NRG1: variants seen among roughly 807,000 people sequenced by gnomAD.
NRG1 encodes neuregulin 1.
In NRG1, 18 loss-of-function variants were observed where a neutral mutation model predicts 63.8. The observed-to-expected ratio is 0.28, with a 90% CI of 0.19 to 0.42. The LOEUF (loss-of-function observed/expected upper bound fraction) is 0.42. Among genes scored for constraint, NRG1 ranks in the 10% least tolerant of loss-of-function variants. NRG1 has a pLI of 1.00. For missense variants in NRG1, 762 were observed against 814.7 expected (o/e 0.94, Z 0.79); for synonymous variants, 302 against 301.3 (o/e 1.00, Z -0.02).
At chr8:32,265,336 A>G (rs925830554) in intron 1 of NRG1, among the ~76,000 whole-genome samples, 2 of 152,186 alleles carry the variant, frequency 1.3e-5, no homozygotes, top group African/African-American at 4.8e-5. Flanking sequence ...CCCTATCTAA[A>G]AAAGAATTAA....
chr8:31,844,479 A>G (rs1008056929), intron 1 of NRG1, among the ~76,000 whole-genome samples: 1 of 152,206 alleles, frequency 6.6e-6, no homozygotes, highest in Non-Finnish European at 1.5e-5. Context: ...ATGGGAAATG[A>G]TGATGGTGGA....
At chr8:32,615,428 A>G (rs1287629039) in intron 4 of NRG1, among the ~76,000 whole-genome samples, 1 of 152,144 alleles carries the variant, frequency 6.6e-6, no homozygotes, top group Non-Finnish European at 1.5e-5. Context: ...GATAATCACA[A>G]TAAACTTGTG....
chr8:32,007,430 T>C (rs1050330001), intron 1 of NRG1, among the ~76,000 whole-genome samples: 1 of 152,020 alleles, frequency 6.6e-6, no homozygotes, highest in Admixed American at 6.6e-5. Flanking sequence ...TTAACTGAAT[T>C]TGAAAAGCAA....
intron 1 of NRG1, among the ~76,000 whole-genome samples, chr8:31,676,944 G>A (rs913040814): frequency 3.3e-5 from 5 of 152,152 alleles, no homozygotes; most frequent in African/African-American, 1.2e-4. Context: ...CTGAATGGGA[G>A]CTTTCATGGT....
chr8:31,966,174 A>G (rs1343699275), intron 1 of NRG1, among the ~76,000 whole-genome samples: 1 of 152,176 alleles, frequency 6.6e-6, no homozygotes, highest in South Asian at 2.1e-4. Flanking sequence ...ATAACTAGGA[A>G]GAAAAGGAGA....
chr8:32,504,550 C>T (rs559499145), intron 1 of NRG1, among the ~76,000 whole-genome samples: 97 of 151,944 alleles, frequency 6.4e-4, no homozygotes, highest in African/African-American at 2.3e-3. Flanking sequence ...ATAGGTACAA[C>T]GTACATACAT....
chr8:32,506,417 C>A (rs1419168724), intron 1 of NRG1, among the ~76,000 whole-genome samples: 2 of 152,142 alleles, frequency 1.3e-5, no homozygotes, highest in African/African-American at 2.4e-5. Context: ...AGTCACCAGT[C>A]TGTGAGGCTG....
chr8:32,643,471 G>A (rs868528565), intron 5 of NRG1, among the ~76,000 whole-genome samples: 2 of 152,160 alleles, frequency 1.3e-5, no homozygotes, highest in Non-Finnish European at 2.9e-5. Context: ...TCACAGTGCC[G>A]GCTGGCATCT....
At chr8:32,753,894 T>G (rs1308538441) in intron 7 of NRG1, among the ~76,000 whole-genome samples, 1 of 151,842 alleles carries the variant, frequency 6.6e-6, no homozygotes, top group Non-Finnish European at 1.5e-5. Context: ...GGCCAGGGGC[T>G]GGGGGATAAA....
At chr8:31,888,281 C>T (rs1247384541) in intron 1 of NRG1, among the ~76,000 whole-genome samples, 3 of 151,958 alleles carry the variant, frequency 2.0e-5, no homozygotes, top group Non-Finnish European at 2.9e-5. Flanking sequence ...GACAATACCC[C>T]AAACTACTGG....
At chr8:32,212,873 A>G (rs1291381924) in intron 1 of NRG1, among the ~76,000 whole-genome samples, 3 of 152,148 alleles carry the variant, frequency 2.0e-5, no homozygotes, top group African/African-American at 7.2e-5. Flanking sequence ...TGCATTGTGC[A>G]TTGACTGTGA....
intron 5 of NRG1, among the ~76,000 whole-genome samples, chr8:32,644,425 G>A (rs1853056033): frequency 6.6e-6 from 1 of 152,120 alleles, no homozygotes; most frequent in Non-Finnish European, 1.5e-5. Flanking sequence ...TATTGCTATA[G>A]AGGATTTGAT....
chr8:32,584,541 C>G (rs1000701869), intron 1 of NRG1, among the ~76,000 whole-genome samples: 2 of 152,156 alleles, frequency 1.3e-5, no homozygotes, highest in Non-Finnish European at 2.9e-5. Context: ...GTAAAGAAGG[C>G]TTTCAATCCT....
chr8:32,523,711 A>C (rs1830548376), intron 1 of NRG1, among the ~76,000 whole-genome samples: 1 of 152,050 alleles, frequency 6.6e-6, no homozygotes, highest in South Asian at 2.1e-4. Context: ...TTAGTTGGGC[A>C]TGGTGGCACG....
At chr8:32,451,742 A>T (rs1365318685) in intron 1 of NRG1, among the ~76,000 whole-genome samples, 1 of 152,100 alleles carries the variant, frequency 6.6e-6, no homozygotes, top group Non-Finnish European at 1.5e-5. Flanking sequence ...ACTTCTTAAT[A>T]TCCTTAATTT....
intron 7 of NRG1, among the ~76,000 whole-genome samples, chr8:32,773,688 C>G (rs974221656): frequency 6.6e-6 from 1 of 152,168 alleles, no homozygotes; most frequent in Non-Finnish European, 1.5e-5. Flanking sequence ...GACTCATCTA[C>G]TTCCTTTCAC....
Position 32,109,559 on chromosome 8 carries a change from C to T in NRG1, c.37+470128C>T, listed in dbSNP as rs532324098. On this transcript the variant is annotated intron_variant, in intron 1 of 10. Coordinates refer to the NRG1 transcript ENST00000519301. ...GCATAATGAATTCCAGCCAGAACCA[C>T]ACATTCAGTTCCTGACTAGTCCACA... 1.1e-3 allele frequency among the ~76,000 whole-genome samples: 175 copies of T among 152,264 alleles called. 1 individual carries two copies. The highest frequency in any genetic ancestry group is 4.0e-3 in the African/African-American group (166 of 41,552).
At chr8:32,280,678 AGGTTTTTTTTTT>A (rs1462170777) in intron 1 of NRG1, among the ~76,000 whole-genome samples, 25 of 84,506 alleles carry the variant, frequency 3.0e-4, no homozygotes, top group African/African-American at 8.6e-4. Context: ...CAACTGAATT[AGGTTTTTTTTTT>A]GTTTTTTTTT....
intron 1 of NRG1, among the ~76,000 whole-genome samples, chr8:32,285,196 T>A (rs576302602): frequency 6.6e-6 from 1 of 152,262 alleles, no homozygotes. Flanking sequence ...CATTCTAAAC[T>A]GGAAAGGGCC....
Sources: gnomAD v4.1 joint callset for allele counts (sites outside exome capture counted in the v4.1 genomes callset) on GRCh38, gnomAD v4.1.1 for gene constraint, MANE v1.5 for transcripts, NCBI Gene and HGNC (gene_info 2026-07-23, HGNC 2026-07-21) for gene names.